Variants in TENM3 observed in about 807,000 individuals in gnomAD.
TENM3 encodes teneurin-3.
Under a neutral mutation model 255.1 loss-of-function variants are expected in TENM3, and 63 were observed. The observed-to-expected ratio is 0.25, with a 90% CI of 0.20 to 0.30. The LOEUF is 0.30. Among genes scored for constraint, TENM3 ranks in the 10% least tolerant of loss-of-function variants. TENM3 has a pLI of 1.00. For missense variants in TENM3, 2,929 were observed against 3,461.1 expected (o/e 0.85, Z 3.86); for synonymous variants, 1,306 against 1,322.3 (o/e 0.99, Z 0.27).
At position 182,552,679 on chromosome 4, in the gene TENM3, A is replaced by G. The variant is rs568915923; in HGVS notation, c.512-48245A>G. On this transcript the variant is annotated intron_variant, in intron 3 of 27. Coordinates refer to ENST00000511685, the MANE Select transcript of TENM3 (RefSeq NM_001080477.4). The stretch of plus-strand genomic sequence containing the variant: ...ATCATTTTTGAAGATGTAATGGATG[A>G]TGACCATCTAGTTCTAGCATTGGCC... Among the ~76,000 whole-genome samples the G allele has an allele frequency of 2.6e-5, 4 of 152,318 alleles. No homozygotes were observed. In the South Asian group the frequency reaches 8.3e-4, roughly 32 times the overall value.
rs76495968 is a variant in TENM3 at position 182,561,541 on chromosome 4, T to C, written c.512-39383T>C. ...CTTTTCCCAGTGTTTTTTAGATTTC[T>C]GTAGTTTTGTTTTTTCTAAATGTTT... On this transcript the variant is annotated intron_variant, in intron 3 of 27. Coordinates refer to ENST00000511685, the MANE Select transcript of TENM3 (RefSeq NM_001080477.4). 6.9e-3 allele frequency among the ~76,000 whole-genome samples: 1,049 copies of C among 152,162 alleles called. 14 individuals carry two copies. The highest frequency in any genetic ancestry group is 0.024 in the African/African-American group (990 of 41,554).
At chr4:181,471,896 C>T in the TENM3 span, among the ~76,000 whole-genome samples, 151,328 of 152,248 alleles carry the variant, frequency 0.99, 75,215 homozygotes, top group East Asian at 1. Context: ...CATGCAGAAG[C>T]ACAATTGCAG....
chr4:181,590,363 A>G, the TENM3 span, among the ~76,000 whole-genome samples: 2 of 152,164 alleles, frequency 1.3e-5, no homozygotes, highest in Non-Finnish European at 2.9e-5. Context: ...GCTCTCGGCT[A>G]TTCCAGATGG....
the TENM3 span, among the ~76,000 whole-genome samples, chr4:181,831,247 A>C: frequency 2.0e-5 from 3 of 152,076 alleles, no homozygotes; most frequent in Non-Finnish European, 2.9e-5. Flanking sequence ...TTGGGCTTAC[A>C]TTTAAAGATT....
intron 19 of TENM3, among the ~76,000 whole-genome samples, chr4:182,745,817 G>GAAAA (rs10655790): frequency 0.017 from 2,549 of 149,652 alleles, 49 homozygotes; most frequent in Admixed American, 0.033. Context: ...TCTCCCTCTG[G>GAAAA]AAAAAAAAAA....
At chr4:182,306,074 C>T (rs1762113590) in intron 1 of TENM3, among the ~76,000 whole-genome samples, 1 of 152,130 alleles carries the variant, frequency 6.6e-6, no homozygotes, top group Non-Finnish European at 1.5e-5. Context: ...TCCCCTTCAG[C>T]ACCAGGAAGT....
chr4:182,672,397 C>T (rs1755295602), intron 6 of TENM3, among the ~76,000 whole-genome samples: 1 of 152,182 alleles, frequency 6.6e-6, no homozygotes, highest in Admixed American at 6.5e-5. Flanking sequence ...ACAGCCTACA[C>T]AAAAGCTATG....
intron 1 of TENM3, among the ~76,000 whole-genome samples, chr4:182,175,822 G>A (rs769140960): frequency 3.3e-5 from 5 of 152,290 alleles, no homozygotes; most frequent in South Asian, 2.1e-4. Flanking sequence ...TTTGCATGTC[G>A]TGTGCACGTG....
intron 3 of TENM3, among the ~76,000 whole-genome samples, chr4:182,594,160 A>T (rs1450050887): frequency 6.6e-6 from 1 of 151,948 alleles, no homozygotes; most frequent in African/African-American, 2.4e-5. Flanking sequence ...TTCTTATGAC[A>T]TTTCCTTTTT....
chr4:182,400,457 TA>T (rs1769144940), intron 3 of TENM3, among the ~76,000 whole-genome samples: 1 of 152,214 alleles, frequency 6.6e-6, no homozygotes, highest in South Asian at 2.1e-4. Flanking sequence ...TGTATATCAA[TA>T]AAACACTGTA....
the TENM3 span, among the ~76,000 whole-genome samples, chr4:182,110,617 C>T: frequency 5.8e-4 from 89 of 152,204 alleles, 1 homozygote; most frequent in African/African-American, 2.0e-3. Context: ...TGTGCCACTG[C>T]GCTGGACCAG....
rs760319145 is a variant in TENM3, at chr4:182,743,205, A to G, written c.3415A>G (p.Ile1139Val). The G allele has an allele frequency of 2.9e-5, 47 of 1,613,594 alleles. 3 individuals are homozygous for G. The South Asian group carries it at 5.1e-4, about 17-fold the overall frequency. The change falls in exon 19 of 28, where the codon ATC becomes GTC. Residue 1139 changes from isoleucine (I) to valine (V), a missense_variant. By Grantham distance (29) the Ile-to-Val change is conservative. Coordinates refer to ENST00000511685, the MANE Select transcript of TENM3 (RefSeq NM_001080477.4). ...LYKGNGENQF[I>V]SQQPPVVSSI... ...CAAGGGAAACGGGGAAAACCAGTTCATCTCCCAGCAGCCTCCAGTCGTGAG... is the reference window on the plus strand; with the variant it reads ...CAAGGGAAACGGGGAAAACCAGTTCGTCTCCCAGCAGCCTCCAGTCGTGAG...
In TENM3 at chr4:182,792,133, A is replaced by T. The variant is rs886183851; in HGVS notation, c.5602-141A>T. 8.5e-6 allele frequency: 7 copies of T among 824,062 alleles called. No individual in the cohort carries two copies. Among genetic ancestry groups the T allele is most frequent in the Non-Finnish European group, 1.3e-5 (7 of 529,432 alleles). The allele number at this position is 824,062 out of a possible 1,614,324, so 51.0% of individuals were successfully genotyped here. ...GCAAATTAGGCAGAGAAACGTTAACAACACGCAAGGTCAAGGATAACTCAA... is the reference window on the plus strand; with the variant it reads ...GCAAATTAGGCAGAGAAACGTTAACTACACGCAAGGTCAAGGATAACTCAA... On this transcript the variant is annotated intron_variant, in intron 25 of 27. Coordinates refer to ENST00000511685, the MANE Select transcript of TENM3 (RefSeq NM_001080477.4). The surrounding 1 kb of genome is among the most constrained non-coding windows in gnomAD (Gnocchi z 6.3).
chr4:182,794,140 T>G (rs1766316781), intron 26 of TENM3, among the ~76,000 whole-genome samples: 1 of 152,166 alleles, frequency 6.6e-6, no homozygotes, highest in African/African-American at 2.4e-5. Flanking sequence ...CTCAGTCATT[T>G]AAAGAAGGGG....
At chr4:181,522,865 G>A in the TENM3 span, 1 of 992,404 alleles carries the variant, frequency 1.0e-6, no homozygotes, top group Non-Finnish European at 1.6e-6. Context: ...GCTGGTGTTT[G>A]TGCTGTTATT....
rs757164301 is a variant in TENM3, at chr4:182,801,104, TTAAAAA to T, written c.*759_*764del. ...ATGTAAAGTGTTTAAAAATTTATAC[TTAAAAA>T]TAAAATGATAAAAACGTGAACTGTG... On this transcript the variant is annotated 3_prime_UTR_variant, in exon 28 of 28. Transcript: ENST00000511685. The T allele has an allele frequency of 1.3e-5, 2 of 152,642 alleles. No homozygotes were observed. The highest frequency in any genetic ancestry group is 1.5e-5 in the Non-Finnish European group (1 of 68,036). The allele number at this position is 152,642 out of a possible 1,614,324, so 9.5% of individuals were successfully genotyped here.
intron 2 of TENM3, among the ~76,000 whole-genome samples, chr4:182,335,273 C>CGG (rs1467577111): frequency 7.6e-6 from 1 of 131,064 alleles, no homozygotes; most frequent in Non-Finnish European, 1.6e-5. Context: ...CTGAGGCGGG[C>CGG]GGATCACGAG....
the TENM3 span, among the ~76,000 whole-genome samples, chr4:181,477,064 ATTC>A: frequency 1.5e-3 from 2 of 1,334 alleles, no homozygotes; most frequent in African/African-American, 3.0e-3. Flanking sequence ...GGAAAACCCA[ATTC>A]ATTCATTCAT....
At chr4:182,264,588 C>A (rs984661901) in intron 1 of TENM3, among the ~76,000 whole-genome samples, 9 of 152,322 alleles carry the variant, frequency 5.9e-5, no homozygotes, top group Admixed American at 5.2e-4. Flanking sequence ...AAGGTTTTTG[C>A]CCTTTCCCAG....
Sources: gnomAD v4.1 joint callset for allele counts (sites outside exome capture counted in the v4.1 genomes callset) on GRCh38, gnomAD v4.1.1 for gene constraint, Gnocchi (gnomAD v3.1) non-coding constraint, MANE v1.5 for transcripts, NCBI Gene and HGNC (gene_info 2026-07-23, HGNC 2026-07-21) for gene names.